Variants in ZNF732 observed in about 807,000 individuals in gnomAD.
ZNF732 encodes the protein zinc finger protein LOC654254.
In ZNF732, 12 loss-of-function variants were observed where a neutral mutation model predicts 11.5. The ratio of observed to expected loss-of-function variants is 1.05; its 90% confidence interval spans 0.67 to 1.70. ZNF732 has a LOEUF of 1.70. ZNF732 is among the 40% of genes most tolerant of loss of function. ZNF732 has a pLI of 0.00. For synonymous variants in ZNF732, 231 were observed against 236.5 expected (o/e 0.98, Z 0.21); for missense variants, 702 against 676.9 (o/e 1.04, Z -0.41).
rs1553842107 is a variant in ZNF732, at chr4:295,448, G to T, written c.216C>A (p.Ala72=). ...PYKVKIHETV[A]KHPAVCSHFT... is the part of the protein sequence containing the mutation. ...TTCACTGTCACCTACCTGGGTGTTT[G>T]GCTACTGTCTCATGTATCTTCACTT... The change falls in exon 3 of 4, where the codon GCC becomes GCA. Residue 72 remains alanine, a synonymous_variant. Coordinates refer to ENST00000419098, the MANE Select transcript of ZNF732 (RefSeq NM_001137608.3). 11 of 1,606,084 alleles carry T rather than the reference G, an allele frequency of 6.8e-6. No individual in the cohort carries two copies. The highest frequency in any genetic ancestry group is 9.4e-6 in the Non-Finnish European group (11 of 1,175,958).
At chr4:284,870 C>CAAAAAAAAAAAAAA (rs1163209652) in intron 3 of ZNF732, among the ~76,000 whole-genome samples, 1 of 54,820 alleles carries the variant, frequency 1.8e-5, no homozygotes, top group African/African-American at 5.5e-5. Flanking sequence ...GACTCTGTCT[C>CAAAAAAAAAAAAAA]AAAAAAAAAA....
chr4:288,468 G>C (rs1200329116), intron 3 of ZNF732, among the ~76,000 whole-genome samples: 2 of 152,178 alleles, frequency 1.3e-5, no homozygotes, highest in African/African-American at 2.4e-5. Flanking sequence ...TGTGGATACA[G>C]AGTATTCCAA....
chr4:293,067 C>CA (rs1227557602), intron 3 of ZNF732, among the ~76,000 whole-genome samples: 1,890 of 34,436 alleles, frequency 0.055, 100 homozygotes, highest in Non-Finnish European at 0.071. Flanking sequence ...GACTCCATCT[C>CA]AAAAAAAAAA....
rs1581545497 is a variant in ZNF732, at chr4:295,960, A to G, written c.130+69T>C. On this transcript the variant is annotated intron_variant, in intron 2 of 3. Coordinates refer to ENST00000419098, the MANE Select transcript of ZNF732 (RefSeq NM_001137608.3). Reference sequence around the variant, plus strand: ...ACAAAGCAGAAGGTTCCCAAGAGACATTCTACAAAAATAGAAAATAAAACT... The same window carrying G: ...ACAAAGCAGAAGGTTCCCAAGAGACGTTCTACAAAAATAGAAAATAAAACT... 14 of 1,552,508 alleles carry G rather than the reference A, an allele frequency of 9.0e-6. No homozygotes were observed. In the Admixed American group the frequency reaches 1.5e-4, roughly 16 times the overall value.
chr4:302,470 T>C (rs1255895347), intron 1 of ZNF732, among the ~76,000 whole-genome samples: 6 of 152,196 alleles, frequency 3.9e-5, no homozygotes, highest in Non-Finnish European at 8.8e-5. Context: ...CACCTAGTAA[T>C]CTGAGAACTC....
Position 299,514 on chromosome 4 carries a change from C to T in ZNF732, c.4-3359G>A, listed in dbSNP as rs546029486. On this transcript the variant is annotated intron_variant, in intron 1 of 3. Coordinates refer to ENST00000419098, the MANE Select transcript of ZNF732 (RefSeq NM_001137608.3). The stretch of plus-strand genomic sequence containing the variant: ...ATGTGTGTATATATACACACATATA[C>T]GTATATATGTGTATATATACATATA... Among the ~76,000 whole-genome samples, 39 of 95,480 alleles carry T rather than the reference C, an allele frequency of 4.1e-4. 2 individuals are homozygous for T. The highest frequency in any genetic ancestry group is 7.4e-4 in the Admixed American group (7 of 9,438). The allele number at this position is 95,480 out of a possible 152,430, so 62.6% of individuals were successfully genotyped here.
intron 3 of ZNF732, among the ~76,000 whole-genome samples, chr4:289,110 T>C (rs1440833392): frequency 2.6e-5 from 4 of 152,240 alleles, no homozygotes; most frequent in African/African-American, 7.2e-5. Flanking sequence ...TCATCTCACA[T>C]GGTAGAAGCA....
intron 3 of ZNF732, among the ~76,000 whole-genome samples, chr4:295,113 A>C (rs574773557): frequency 1.3e-5 from 2 of 152,328 alleles, no homozygotes; most frequent in South Asian, 4.1e-4. Flanking sequence ...ATACACTGAC[A>C]TAGAGCTCCT....
chr4:277,008 A>C (rs1553838791), intron 3 of ZNF732, among the ~76,000 whole-genome samples: 1 of 152,020 alleles, frequency 6.6e-6, no homozygotes, highest in African/African-American at 2.4e-5. Flanking sequence ...CCTAGAACCA[A>C]GTGATTTTCA....
In ZNF732 at chr4:305,441, A is replaced by G. The variant is rs1720214483; in HGVS notation, c.-131T>C. On this transcript the variant is annotated 5_prime_UTR_variant, in exon 1 of 4. Coordinates refer to ENST00000419098, the MANE Select transcript of ZNF732 (RefSeq NM_001137608.3). ...CTGAGGGGTGAAAGCACGGCCGTGGAGACCCTAACCGAGCTCACGCTGGCG... is the reference window on the plus strand; with the variant it reads ...CTGAGGGGTGAAAGCACGGCCGTGGGGACCCTAACCGAGCTCACGCTGGCG... 1 of 1,354,592 alleles carries G rather than the reference A, an allele frequency of 7.4e-7. No homozygotes were observed. The highest frequency in any genetic ancestry group is 1.2e-5 in the South Asian group (1 of 80,294). The allele number at this position is 1,354,592 out of a possible 1,614,324, so 83.9% of individuals were successfully genotyped here. A position where few individuals can be genotyped will look rare whatever the true frequency, so the allele number is the denominator to read the frequency against.
At chr4:298,703 G>C (rs148606280) in intron 1 of ZNF732, among the ~76,000 whole-genome samples, 1 of 152,144 alleles carries the variant, frequency 6.6e-6, no homozygotes, top group Non-Finnish European at 1.5e-5. Context: ...AAATGAAACA[G>C]CCCTGGTGAA....
Position 305,419 on chromosome 4 carries a change from A to AG in ZNF732, c.-110dup. 6.6e-7 allele frequency: 1 copy of AG among 1,508,500 alleles called. No homozygotes were observed. Among genetic ancestry groups the AG allele is most frequent in the Non-Finnish European group, 9.1e-7 (1 of 1,103,486 alleles). The allele number at this position is 1,508,500 out of a possible 1,614,324, so 93.4% of individuals were successfully genotyped here. A position where few individuals can be genotyped will look rare whatever the true frequency, so the allele number is the denominator to read the frequency against. On this transcript the variant is annotated 5_prime_UTR_variant, in exon 1 of 4. Transcript: ENST00000419098. ...TGACCGAATCACCGACGCCTCCCTG[A>AG]GGGGTGAAAGCACGGCCGTGGAGAC...
Position 271,135 on chromosome 4 carries a change from A to C in ZNF732, c.1722T>G (p.Asn574Lys), listed in dbSNP as rs570112191. The change falls in exon 4 of 4, where the codon AAT (asparagine) becomes AAG (lysine). Residue 574 changes from asparagine (N) to lysine (K), a missense_variant. Physicochemically the swap from Asn to Lys is moderately conservative, Grantham distance 94. Coordinates refer to ENST00000419098, the MANE Select transcript of ZNF732 (RefSeq NM_001137608.3). Reference sequence around the variant, plus strand: ...CTCCAGTATAAATTTTATTATGTTGATTAAGGTATGAGGACCACTTAAAGG... The same window carrying C: ...CTCCAGTATAAATTTTATTATGTTGCTTAAGGTATGAGGACCACTTAAAGG... ...GKAFKWSSYL[N>K]QHNKIYTGEK... is the part of the protein sequence containing the mutation. The C allele has an allele frequency of 8.5e-6, 13 of 1,526,236 alleles. No homozygotes were observed. Among genetic ancestry groups the C allele is most frequent in the Non-Finnish European group, 1.1e-5 (13 of 1,139,126 alleles). 94.5% of individuals were successfully genotyped at this position (1,526,236 alleles called of 1,614,324 possible). A position where few individuals can be genotyped will look rare whatever the true frequency, so the allele number is the denominator to read the frequency against.
At position 305,307 on chromosome 4, in the gene ZNF732, C is replaced by T. The variant is rs782300042; in HGVS notation, c.3+1G>A. 3 of 1,607,802 alleles carry T rather than the reference C, an allele frequency of 1.9e-6. No homozygotes were observed. In the Admixed American group the frequency reaches 5.0e-5, roughly 27 times the overall value. Reference sequence around the variant, plus strand: ...TTGGGACGCCCTGCCCCCACACTCACCATTTCCCCACTTCAGGGGTGTAGC... The same window carrying T: ...TTGGGACGCCCTGCCCCCACACTCATCATTTCCCCACTTCAGGGGTGTAGC... On this transcript the variant is annotated splice_donor_variant, in intron 1 of 3. Coordinates refer to ENST00000419098, the MANE Select transcript of ZNF732 (RefSeq NM_001137608.3). LOFTEE classifies it high-confidence loss of function.
At chr4:284,359 G>C (rs1405486582) in intron 3 of ZNF732, among the ~76,000 whole-genome samples, 2 of 152,050 alleles carry the variant, frequency 1.3e-5, no homozygotes, top group African/African-American at 4.8e-5. Context: ...AGAAAAATCA[G>C]AAAGTATCTT....
At chr4:303,548 G>T (rs1720160728) in intron 1 of ZNF732, among the ~76,000 whole-genome samples, 1 of 152,336 alleles carries the variant, frequency 6.6e-6, no homozygotes, top group Non-Finnish European at 1.5e-5. Context: ...CTCGGGAGGT[G>T]GAGGTTGCAG....
chr4:301,607 C>T (rs1172833895), intron 1 of ZNF732, among the ~76,000 whole-genome samples: 1 of 152,156 alleles, frequency 6.6e-6, no homozygotes, highest in Admixed American at 6.5e-5. Flanking sequence ...TCTCAGCAAA[C>T]TATCACAAGG....
At chr4:299,893 G>A (rs1337442574) in intron 1 of ZNF732, among the ~76,000 whole-genome samples, 32 of 142,990 alleles carry the variant, frequency 2.2e-4, no homozygotes, top group South Asian at 8.9e-4. Context: ...AAGTAGAGAC[G>A]GGGTTTCACC....
At position 272,432 on chromosome 4, in the gene ZNF732, T is replaced by G; in HGVS notation, c.425A>C (p.Gln142Pro). 1 of 1,598,568 alleles carries G rather than the reference T, an allele frequency of 6.3e-7. No individual in the cohort carries two copies. The highest frequency in any genetic ancestry group is 1.1e-5 in the South Asian group (1 of 89,576). Residue 142 changes from glutamine to proline, a missense_variant, in exon 4 of 4, where the codon CAG becomes CCG. By Grantham distance (76) the Gln-to-Pro change is moderately conservative. Coordinates refer to ENST00000419098, the MANE Select transcript of ZNF732 (RefSeq NM_001137608.3). The stretch of plus-strand genomic sequence containing the variant: ...AAATACTTTGACATGTACATTACAC[T>G]GAAATATTTTGCTCTGGATAGTTGA... ...CLSTIQSKIF[Q>P]CNVHVKVFST... is the part of the protein sequence containing the mutation.
Sources: gnomAD v4.1 joint callset for allele counts (sites outside exome capture counted in the v4.1 genomes callset) on GRCh38, gnomAD v4.1.1 for gene constraint, MANE v1.5 for transcripts, NCBI Gene and HGNC (gene_info 2026-07-23, HGNC 2026-07-21) for gene names.